Variants in SCYL2 observed in about 807,000 individuals in gnomAD.
SCYL2 encodes SCY1 like pseudokinase 2.
SCYL2 carries 36 observed loss-of-function variants against 100.4 expected under a neutral mutation model. That is an observed-to-expected ratio of 0.36 (90% CI 0.27 to 0.47). The LOEUF is 0.47. Among genes scored for constraint, SCYL2 ranks in the 20% least tolerant of loss-of-function variants. The pLI, the probability that SCYL2 is intolerant of heterozygous loss-of-function variation, is 1.00. For synonymous variants in SCYL2, 330 were observed against 359.2 expected, an observed-to-expected ratio of 0.92 and a Z score of 0.92; for missense variants, 902 against 1,083.9, an observed-to-expected ratio of 0.83 and a Z score of 2.36.
At position 100,295,680 on chromosome 12, in the gene SCYL2, G is replaced by A. The variant is rs193093104; in HGVS notation, c.336-2351G>A. On this transcript the variant is annotated intron_variant, in intron 3 of 17. Transcript: ENST00000360820. ...TCCAGCTCCGGCTGGGCATGAGAGG[G>A]AGACCGTGGAAACAGAGGGAGAGGG... Among the ~76,000 whole-genome samples, 557 of 151,380 alleles carry A rather than the reference G, an allele frequency of 3.7e-3. 6 individuals are homozygous for A. The highest frequency in any genetic ancestry group is 3.4e-3 in the Non-Finnish European group (230 of 67,962).
At chr12:100,318,399 C>T (rs374794452) in intron 10 of SCYL2, among the ~76,000 whole-genome samples, 5 of 146,790 alleles carry the variant, frequency 3.4e-5, no homozygotes, top group South Asian at 2.1e-4. Flanking sequence ...AGCACAATCT[C>T]GGCTCACTGC....
In SCYL2 at chr12:100,329,947, A is replaced by G. The variant is rs536611272; in HGVS notation, c.1761+628A>G. Among the ~76,000 whole-genome samples, 4 of 152,322 alleles carry G rather than the reference A, an allele frequency of 2.6e-5. No homozygotes were observed. The South Asian group carries it at 8.3e-4, about 32-fold the overall frequency. On this transcript the variant is annotated intron_variant, in intron 13 of 17. Coordinates refer to ENST00000360820, the MANE Select transcript of SCYL2 (RefSeq NM_017988.6). ...ACTTTCCAACATGGCAACTTGTTTCATCAAAGCCTGCAAAAGAGAGTCTGC... is the reference window on the plus strand; with the variant it reads ...ACTTTCCAACATGGCAACTTGTTTCGTCAAAGCCTGCAAAAGAGAGTCTGC...
chr12:100,287,293 G>A (rs181068388), intron 2 of SCYL2, among the ~76,000 whole-genome samples: 1 of 152,230 alleles, frequency 6.6e-6, no homozygotes, highest in East Asian at 1.9e-4. Flanking sequence ...TGTTGTTGTT[G>A]TTGTTTTCCA....
chr12:100,294,126 C>G (rs2096314063), intron 3 of SCYL2, among the ~76,000 whole-genome samples: 1 of 148,588 alleles, frequency 6.7e-6, no homozygotes, highest in African/African-American at 2.5e-5. Flanking sequence ...CGCCCCTCAC[C>G]TCCCGGACGG....
intron 12 of SCYL2, among the ~76,000 whole-genome samples, chr12:100,327,402 T>C (rs759470374): frequency 6.6e-6 from 1 of 152,188 alleles, no homozygotes; most frequent in Non-Finnish European, 1.5e-5. Flanking sequence ...GTTAAAGTTA[T>C]AGAAGTCCAA....
rs890510418 is a variant in SCYL2 at position 100,340,310 on chromosome 12, T to G, written c.*1138T>G. ...TTTAGGAAGGAAAGAATCAATTCTC[T>G]TAACAGGAAACATGCTTTATTTTTC... On this transcript the variant is annotated 3_prime_UTR_variant, in exon 18 of 18. Transcript: ENST00000360820. 1.3e-5 allele frequency: 2 copies of G among 152,344 alleles called. No homozygotes were observed. Among genetic ancestry groups the G allele is most frequent in the Non-Finnish European group, 2.9e-5 (2 of 67,962 alleles). 9.4% of individuals were successfully genotyped at this position (152,344 alleles called of 1,614,324 possible). A position where few individuals can be genotyped will look rare whatever the true frequency, so the allele number is the denominator to read the frequency against.
At chr12:100,305,455 A>T (rs780488843) in intron 4 of SCYL2, among the ~76,000 whole-genome samples, 2 of 152,238 alleles carry the variant, frequency 1.3e-5, no homozygotes, top group Non-Finnish European at 2.9e-5. Context: ...TTTGAAACTA[A>T]TGAGAACAAA....
At chr12:100,299,346 C>CCA (rs2096324798) in intron 4 of SCYL2, among the ~76,000 whole-genome samples, 8 of 152,144 alleles carry the variant, frequency 5.3e-5, no homozygotes, top group Non-Finnish European at 1.0e-4. Context: ...GTTTTAACAG[C>CCA]TTTATTAAGA....
chr12:100,288,590 C>T (rs1425323332), intron 2 of SCYL2, among the ~76,000 whole-genome samples: 1 of 152,042 alleles, frequency 6.6e-6, no homozygotes, highest in East Asian at 1.9e-4. Flanking sequence ...AATCTCAACA[C>T]TATGGGAGGC....
intron 3 of SCYL2, among the ~76,000 whole-genome samples, chr12:100,294,746 G>C (rs2096316445): frequency 1.4e-5 from 2 of 144,266 alleles, no homozygotes; most frequent in South Asian, 4.4e-4. Context: ...CGGGTGGGGG[G>C]CTGACCCCCC....
At chr12:100,282,885 A>G (rs1165696637) in intron 1 of SCYL2, 58 bp from the exon 2 acceptor site, 3 of 763,958 alleles carry the variant, frequency 3.9e-6, no homozygotes, top group South Asian at 5.5e-5. Context: ...TAAACTATGA[A>G]TAAATGCTTA....
chr12:100,325,061 C>T (rs747179352), intron 11 of SCYL2, among the ~76,000 whole-genome samples: 1 of 152,092 alleles, frequency 6.6e-6, no homozygotes, highest in African/African-American at 2.4e-5. Flanking sequence ...GACCTCGTCT[C>T]TACTAAAAAT....
intron 2 of SCYL2, among the ~76,000 whole-genome samples, chr12:100,287,249 T>C (rs2096305386): frequency 6.6e-6 from 1 of 152,246 alleles, no homozygotes; most frequent in Non-Finnish European, 1.5e-5. Flanking sequence ...AACTTTGTAG[T>C]AAGCAAAATA....
chr12:100,306,063 A>T (rs768493599), intron 4 of SCYL2, among the ~76,000 whole-genome samples: 1 of 152,192 alleles, frequency 6.6e-6, no homozygotes, highest in African/African-American at 2.4e-5. Context: ...TCACAACCAA[A>T]TTCTACCAGA....
intron 11 of SCYL2, 36 bp from the exon 12 acceptor site, chr12:100,326,586 C>T: frequency 6.7e-7 from 1 of 1,487,488 alleles, no homozygotes; most frequent in Non-Finnish European, 9.0e-7. Context: ...ATTTTGAAAA[C>T]TTTTAATGAC....
intron 1 of SCYL2, among the ~76,000 whole-genome samples, chr12:100,270,395 G>T (rs1262040805): frequency 6.6e-6 from 1 of 151,962 alleles, no homozygotes; most frequent in Non-Finnish European, 1.5e-5. Context: ...CTAGCTGGAA[G>T]GCCTGAATAG....
intron 13 of SCYL2, among the ~76,000 whole-genome samples, chr12:100,331,663 GGT>G (rs1952211033): frequency 2.6e-5 from 4 of 151,988 alleles, no homozygotes; most frequent in Admixed American, 2.0e-4. Context: ...TTTTTTTTGG[GGT>G]GGGGGGAGTG....
chr12:100,299,868 T>C (rs1566354952), intron 4 of SCYL2, among the ~76,000 whole-genome samples: 1 of 152,226 alleles, frequency 6.6e-6, no homozygotes, highest in Admixed American at 6.5e-5. Flanking sequence ...TTTCTCCTGA[T>C]CAAGTACTTG....
rs1278583378 is a variant in SCYL2 at position 100,329,311 on chromosome 12, C to T, written c.1753C>T (p.Leu585Phe). The T allele has an allele frequency of 4.0e-6, 6 of 1,497,044 alleles. No individual in the cohort carries two copies. Among genetic ancestry groups the T allele is most frequent in the Non-Finnish European group, 5.6e-6 (6 of 1,074,564 alleles). The allele number at this position is 1,497,044 out of a possible 1,614,324, so 92.7% of individuals were successfully genotyped here. A position where few individuals can be genotyped will look rare whatever the true frequency, so the allele number is the denominator to read the frequency against. Residue 585 changes from leucine to phenylalanine, a missense_variant, in exon 13 of 18, where the codon CTT (leucine) becomes TTT (phenylalanine). Coordinates refer to ENST00000360820, the MANE Select transcript of SCYL2 (RefSeq NM_017988.6). The part of the protein sequence containing the change: ...IPLSIENNLN[L>F]NQFNSFISVI... Reference sequence around the variant, plus strand: ...CCTGAGTATTGAAAACAATCTTAATCTTAATCAGGTAGGAGTATTTTTGTG... The same window carrying T: ...CCTGAGTATTGAAAACAATCTTAATTTTAATCAGGTAGGAGTATTTTTGTG...
Sources: allele counts gnomAD v4.1 joint callset (sites outside exome capture counted in the v4.1 genomes callset), GRCh38; gene constraint gnomAD v4.1.1; transcripts MANE v1.5; gene names NCBI Gene and HGNC (gene_info 2026-07-23, HGNC 2026-07-21).